The following VDAC1 variants were observed in gnomAD, a reference collection of about 807,000 sequenced individuals.
The protein encoded by VDAC1 is voltage dependent anion channel 1, also known as non-selective voltage-gated ion channel VDAC1.
A neutral mutation model predicts 34.7 loss-of-function variants in VDAC1; 10 were observed. That is an observed-to-expected ratio of 0.29 (90% CI 0.18 to 0.49). The LOEUF is 0.49. Ranked by LOEUF, VDAC1 falls within the 20% of genes least tolerant of loss-of-function variation. The pLI is 0.99. For missense variants in VDAC1, 230 were observed against 347.9 expected (o/e 0.66, Z 2.69); for synonymous variants, 130 against 136.0 (o/e 0.96, Z 0.30).
the VDAC1 span, among the ~76,000 whole-genome samples, chr5:134,039,298 CT>C: frequency 6.6e-6 from 1 of 152,146 alleles, no homozygotes; most frequent in Non-Finnish European, 1.5e-5. Context: ...TTTCACTGGT[CT>C]GGAATGGCCC....
At chr5:134,114,145 T>C in the VDAC1 span, among the ~76,000 whole-genome samples, 1 of 152,188 alleles carries the variant, frequency 6.6e-6, no homozygotes, top group African/African-American at 2.4e-5. Context: ...GTTCGCACTG[T>C]ATGCAGGCGG....
chr5:134,048,671 A>G, the VDAC1 span, among the ~76,000 whole-genome samples: 1 of 152,198 alleles, frequency 6.6e-6, no homozygotes, highest in Admixed American at 6.5e-5. Flanking sequence ...TGCCCTCATT[A>G]TTCAAAGACA....
At chr5:134,025,241 C>T in the VDAC1 span, among the ~76,000 whole-genome samples, 12 of 152,106 alleles carry the variant, frequency 7.9e-5, no homozygotes, top group East Asian at 1.9e-4. Flanking sequence ...GGACCAGGCA[C>T]GTCACATGGC....
At chr5:134,029,437 T>C in the VDAC1 span, among the ~76,000 whole-genome samples, 9 of 152,226 alleles carry the variant, frequency 5.9e-5, no homozygotes, top group Non-Finnish European at 1.2e-4. Flanking sequence ...TGTTGGGTAA[T>C]TGGGCTTATG....
chr5:134,060,486 C>T, the VDAC1 span, among the ~76,000 whole-genome samples: 1 of 151,928 alleles, frequency 6.6e-6, no homozygotes, highest in South Asian at 2.1e-4. Context: ...ATATATGATA[C>T]ACTTGTGAAT....
chr5:134,018,710 G>A, the VDAC1 span, among the ~76,000 whole-genome samples: 27 of 152,268 alleles, frequency 1.8e-4, no homozygotes, highest in South Asian at 5.0e-3. Flanking sequence ...CCAGATAAAC[G>A]AACAATGTGA....
At chr5:134,080,029 G>A in the VDAC1 span, among the ~76,000 whole-genome samples, 1 of 152,246 alleles carries the variant, frequency 6.6e-6, no homozygotes, top group Non-Finnish European at 1.5e-5. Context: ...TGGCTTTCAA[G>A]CATTTGCTTA....
chr5:133,999,967 T>C (rs1753480056), intron 1 of VDAC1, among the ~76,000 whole-genome samples: 1 of 151,744 alleles, frequency 6.6e-6, no homozygotes, highest in African/African-American at 2.4e-5. Context: ...ATAGGAGGGG[T>C]ATCAGACCAG....
chr5:134,013,307 C>T, the VDAC1 span, among the ~76,000 whole-genome samples: 2 of 152,174 alleles, frequency 1.3e-5, no homozygotes, highest in African/African-American at 4.8e-5. Flanking sequence ...TGGTGGTGCA[C>T]ACCTGTAGTC....
intron 6 of VDAC1, among the ~76,000 whole-genome samples, chr5:133,977,133 C>T (rs1467031515): frequency 1.3e-5 from 2 of 152,198 alleles, no homozygotes; most frequent in East Asian, 3.9e-4. Context: ...GGTGGGGCTG[C>T]ACATATGCCT....
chr5:134,024,276 C>T, the VDAC1 span, among the ~76,000 whole-genome samples: 1 of 152,156 alleles, frequency 6.6e-6, no homozygotes, highest in South Asian at 2.1e-4. Context: ...CACCTATAAT[C>T]CCAGCATTTT....
chr5:133,973,959 T>C (rs1431905252), intron 7 of VDAC1, 111 bp from the exon 8 acceptor site: 4 of 893,664 alleles, frequency 4.5e-6, no homozygotes, highest in Non-Finnish European at 7.0e-6. Context: ...GAATCAAAAT[T>C]TTTCATGACC....
chr5:134,111,662 C>T, the VDAC1 span, among the ~76,000 whole-genome samples: 1 of 152,062 alleles, frequency 6.6e-6, no homozygotes, highest in Non-Finnish European at 1.5e-5. Flanking sequence ...TTGATGGCCC[C>T]CTTCATGCAA....
At chr5:134,071,326 G>A in the VDAC1 span, among the ~76,000 whole-genome samples, 2 of 152,168 alleles carry the variant, frequency 1.3e-5, no homozygotes, top group African/African-American at 4.8e-5. The surrounding 1 kb of genome is among the most constrained non-coding windows in gnomAD (Gnocchi z 4.1). Context: ...CGTGTAGGGC[G>A]GCAGGGGAAG....
At chr5:134,081,428 C>T in the VDAC1 span, among the ~76,000 whole-genome samples, 1 of 152,252 alleles carries the variant, frequency 6.6e-6, no homozygotes, top group African/African-American at 2.4e-5. Flanking sequence ...ATCTACCCAC[C>T]TCAGCCTCCC....
the VDAC1 span, among the ~76,000 whole-genome samples, chr5:134,096,228 A>G: frequency 1.3e-5 from 2 of 152,196 alleles, no homozygotes; most frequent in Non-Finnish European, 2.9e-5. Flanking sequence ...GGCCCCACTG[A>G]CACTGCCGAG....
intron 6 of VDAC1, among the ~76,000 whole-genome samples, chr5:133,977,787 G>A (rs1280023225): frequency 1.3e-5 from 2 of 152,172 alleles, no homozygotes; most frequent in Non-Finnish European, 1.5e-5. Context: ...GAGCTGGGAT[G>A]AGCAGGCTGA....
At chr5:133,999,786 A>C (rs1753470210) in intron 1 of VDAC1, among the ~76,000 whole-genome samples, 1 of 152,182 alleles carries the variant, frequency 6.6e-6, no homozygotes, top group Non-Finnish European at 1.5e-5. Context: ...GTAAGTGTGC[A>C]CCAGATCCCT....
At chr5:134,029,784 C>T in the VDAC1 span, among the ~76,000 whole-genome samples, 1 of 152,048 alleles carries the variant, frequency 6.6e-6, no homozygotes, top group Admixed American at 6.6e-5. Flanking sequence ...GTGGGAGTGA[C>T]TATAAAAGGA....
Sources: allele counts gnomAD v4.1 joint callset (sites outside exome capture counted in the v4.1 genomes callset), GRCh38; gene constraint gnomAD v4.1.1; non-coding constraint Gnocchi (gnomAD v3.1); transcripts MANE v1.5; gene names NCBI Gene and HGNC (gene_info 2026-07-23, HGNC 2026-07-21).